Variants in TBCD observed in about 807,000 individuals in gnomAD.
TBCD encodes tubulin folding cofactor D, also known as tubulin-specific chaperone D.
Under a neutral mutation model 169.3 loss-of-function variants are expected in TBCD, and 105 were observed. The ratio of observed to expected loss-of-function variants is 0.62; its 90% CI spans 0.53 to 0.73. The LOEUF (loss-of-function observed/expected upper bound fraction) is 0.73. TBCD is among the 30% of genes least tolerant of loss of function. The pLI is 0.00. For missense variants in TBCD, 1,444 were observed against 1,600.1 expected, an observed-to-expected ratio of 0.90 and a Z score of 1.66; for synonymous variants, 700 against 643.9, an observed-to-expected ratio of 1.09 and a Z score of -1.32.
rs138873558 is a variant in TBCD, at chr17:82,936,194, C to G, written c.3192-1077C>G. Among the ~76,000 whole-genome samples the G allele has an allele frequency of 1.6e-3, 243 of 152,344 alleles. 2 individuals are homozygous for G. The East Asian group carries it at 0.041, about 26-fold the overall frequency. On this transcript the variant is annotated intron_variant, in intron 34 of 38. Transcript: ENST00000355528. ...CAATTTTCACACGTCTTTTCCCTCT[C>G]TCTTTGCTTCATTACCTTTGGCCCG...
In TBCD at chr17:82,920,495, G is replaced by A. The variant is rs551805677; in HGVS notation, c.2039-61G>A. Reference sequence around the variant, plus strand: ...ACTCAGAATGTGGCAAAGGCAAGCCGCTGTGGCAGGCGCTTTTAGAAAAGT... The same window carrying A: ...ACTCAGAATGTGGCAAAGGCAAGCCACTGTGGCAGGCGCTTTTAGAAAAGT... On this transcript the variant is annotated intron_variant, in intron 23 of 38. Transcript: ENST00000355528. This position sits in a 1 kb window ranked among gnomAD's most constrained non-coding sequence, Gnocchi z 4.1. 1.7e-5 allele frequency: 24 copies of A among 1,435,442 alleles called. No homozygotes were observed. Among genetic ancestry groups the A allele is most frequent in the South Asian group, 6.3e-5 (5 of 79,376 alleles). The allele number at this position is 1,435,442 out of a possible 1,614,324, so 88.9% of individuals were successfully genotyped here. A position where few individuals can be genotyped will look rare whatever the true frequency, so the allele number is the denominator to read the frequency against.
intron 12 of TBCD, among the ~76,000 whole-genome samples, chr17:82,811,905 C>T (rs1042061834): frequency 2.0e-5 from 3 of 152,164 alleles, no homozygotes; most frequent in Non-Finnish European, 4.4e-5. Flanking sequence ...TGTAAGAACA[C>T]CCAGCACCCA....
At chr17:82,879,815 A>C (rs190711735) in intron 14 of TBCD, among the ~76,000 whole-genome samples, 1 of 152,300 alleles carries the variant, frequency 6.6e-6, no homozygotes, top group East Asian at 1.9e-4. Context: ...AAACGGAAAT[A>C]ATCAGTAGGC....
chr17:82,776,737 A>G (rs1040743348), intron 6 of TBCD, among the ~76,000 whole-genome samples: 7 of 151,940 alleles, frequency 4.6e-5, no homozygotes, highest in African/African-American at 1.7e-4. Flanking sequence ...GCCCTTAGAG[A>G]TGGACTTCTG....
At chr17:82,816,706 T>C (rs1421843372) in intron 13 of TBCD, among the ~76,000 whole-genome samples, 1 of 152,146 alleles carries the variant, frequency 6.6e-6, no homozygotes, top group Non-Finnish European at 1.5e-5. Context: ...ATTAATTTTT[T>C]TTTTTAGTTT....
intron 13 of TBCD, among the ~76,000 whole-genome samples, chr17:82,853,394 C>G (rs1009400099): frequency 6.8e-6 from 1 of 147,100 alleles, no homozygotes; most frequent in East Asian, 2.0e-4. Flanking sequence ...CCAGCAACAC[C>G]CCCCCTCCTT....
chr17:82,779,791 G>A lies in TBCD; in HGVS notation c.639-1798G>A, dbSNP rs558795960. 2.6e-5 allele frequency among the ~76,000 whole-genome samples: 4 copies of A among 152,024 alleles called. 1 individual carries two copies. The highest frequency in any genetic ancestry group is 9.6e-5 in the African/African-American group (4 of 41,492). Reference sequence around the variant, plus strand: ...TGACGTGGGGGCCGGAGGGAGGTTGGGCGTCATAGCCTGGCAGCTCCAGCT... The same window carrying A: ...TGACGTGGGGGCCGGAGGGAGGTTGAGCGTCATAGCCTGGCAGCTCCAGCT... On this transcript the variant is annotated intron_variant, in intron 6 of 38. Transcript: ENST00000355528.
At chr17:82,775,749 G>C (rs920185101) in intron 6 of TBCD, among the ~76,000 whole-genome samples, 1 of 121,504 alleles carries the variant, frequency 8.2e-6, no homozygotes, top group African/African-American at 3.1e-5. Flanking sequence ...TGTGGGGTGG[G>C]GGGAGGGGGG....
At chr17:82,907,992 C>T (rs1011066843) in intron 21 of TBCD, among the ~76,000 whole-genome samples, 171 bp downstream of exon 21, 3 of 152,234 alleles carry the variant, frequency 2.0e-5, no homozygotes, top group African/African-American at 7.2e-5. Flanking sequence ...AGGCTCTCTG[C>T]TGGCGTCATG....
Position 82,806,046 on chromosome 17 carries a change from G to T in TBCD, c.1087+35G>T, listed in dbSNP as rs762924660. ...GTCTAAGCGGCGGCCTCTGCTCTTG[G>T]GCACCGTCGGGCCAATTCCCCTCTA... On this transcript the variant is annotated intron_variant, in intron 10 of 38. Coordinates refer to ENST00000355528, the MANE Select transcript of TBCD (RefSeq NM_005993.5). The surrounding 1 kb of genome is among the most constrained non-coding windows in gnomAD (Gnocchi z 5.1). The T allele has an allele frequency of 3.1e-6, 5 of 1,599,568 alleles. No homozygotes were observed. Among genetic ancestry groups the T allele is most frequent in the Non-Finnish European group, 4.3e-6 (5 of 1,168,906 alleles).
intron 17 of TBCD, among the ~76,000 whole-genome samples, chr17:82,898,037 G>A (rs1038456432): frequency 6.8e-6 from 1 of 148,144 alleles, no homozygotes; most frequent in Non-Finnish European, 1.5e-5. Context: ...GTGAGCACAC[G>A]GCATGGCTCT....
intron 9 of TBCD, among the ~76,000 whole-genome samples, chr17:82,804,320 C>T (rs183548586): frequency 6.6e-6 from 1 of 152,302 alleles, no homozygotes; most frequent in East Asian, 1.9e-4. Context: ...TTAAACAGTG[C>T]ACTTTTTCCT....
At position 82,876,791 on chromosome 17, in the gene TBCD, C is replaced by T. The variant is rs145921158; in HGVS notation, c.1475+6411C>T. Among the ~76,000 whole-genome samples the T allele has an allele frequency of 2.5e-3, 383 of 152,344 alleles. 2 individuals are homozygous for T. Among genetic ancestry groups the T allele is most frequent in the Admixed American group, 7.3e-3 (112 of 15,300 alleles). ...GACTTCTCATGGCAGGAGCCAGCTT[C>T]GTTGAAGTGGGCCAGGCTGAAGTGA... On this transcript the variant is annotated intron_variant, in intron 14 of 38. Coordinates refer to ENST00000355528, the MANE Select transcript of TBCD (RefSeq NM_005993.5).
chr17:82,767,882 A>C (rs2048097205), intron 4 of TBCD, among the ~76,000 whole-genome samples: 1 of 151,854 alleles, frequency 6.6e-6, no homozygotes, highest in South Asian at 2.1e-4. Flanking sequence ...GTGAACCCGG[A>C]AGGTGGAGCT....
intron 6 of TBCD, among the ~76,000 whole-genome samples, chr17:82,779,833 C>CTG (rs2048830495): frequency 6.6e-6 from 1 of 152,108 alleles, no homozygotes; most frequent in African/African-American, 2.4e-5. Flanking sequence ...TCTCACCTTG[C>CTG]CTGGGGTCTC....
intron 11 of TBCD, among the ~76,000 whole-genome samples, chr17:82,808,547 G>GT (rs2051173105): frequency 8.1e-6 from 1 of 123,790 alleles, no homozygotes; most frequent in African/African-American, 3.1e-5. Context: ...AGGTGGAGGG[G>GT]TGGCAGGTCC....
intron 13 of TBCD, among the ~76,000 whole-genome samples, chr17:82,842,602 C>T (rs1429227099): frequency 2.0e-5 from 3 of 152,126 alleles, no homozygotes; most frequent in Non-Finnish European, 4.4e-5. Flanking sequence ...TGACATGAGG[C>T]ACACACCTTT....
chr17:82,911,879 T>C (rs1011324560), intron 23 of TBCD, 90 bp downstream of exon 23: 3 of 1,401,372 alleles, frequency 2.1e-6, no homozygotes, highest in African/African-American at 1.4e-5. Context: ...GGCGGCCCAT[T>C]AGCCCCCAGG....
intron 23 of TBCD, chr17:82,913,316 G>A (rs78341444): frequency 0.054 from 8,291 of 152,318 alleles, 514 homozygotes; most frequent in African/African-American, 0.15. Flanking sequence ...CGTGCTCCCC[G>A]TGTGCTGCGG....
Sources: allele counts gnomAD v4.1 joint callset (sites outside exome capture counted in the v4.1 genomes callset), GRCh38; gene constraint gnomAD v4.1.1; non-coding constraint Gnocchi (gnomAD v3.1); transcripts MANE v1.5; gene names NCBI Gene and HGNC (gene_info 2026-07-23, HGNC 2026-07-21).